CDC42: variants seen among roughly 807,000 people sequenced by gnomAD.
CDC42 encodes the protein cell division control protein 42 homolog.
CDC42 carries 1 observed loss-of-function variant against 20.8 expected under a neutral mutation model. That is an observed-to-expected ratio of 0.05 (90% CI 0.02 to 0.23). CDC42 has a LOEUF of 0.23. Ranked by LOEUF, CDC42 falls within the 10% of genes least tolerant of loss-of-function variation. The pLI is 1.00. For missense variants in CDC42, 49 were observed against 227.9 expected, an observed-to-expected ratio of 0.21 and a Z score of 5.05; for synonymous variants, 72 against 84.8, an observed-to-expected ratio of 0.85 and a Z score of 0.83.
chr1:22,056,332 A>G (rs1003451157), intron 1 of CDC42, among the ~76,000 whole-genome samples: 2 of 152,042 alleles, frequency 1.3e-5, no homozygotes, highest in South Asian at 2.1e-4. Flanking sequence ...GACTTTTTCC[A>G]TCTGTTTAGG....
rs1645784644 is a variant in CDC42 at position 22,100,761 on chromosome 1, A to C, written c.*9244A>C. On this transcript the variant is annotated 3_prime_UTR_variant, in exon 6 of 6. Transcript: ENST00000656825. The stretch of plus-strand genomic sequence containing the variant: ...CATACTCATTGCCAGGAGTAGAGTA[A>C]GGCTTTTAATTTCATCTCTAACCAA... The C allele has an allele frequency of 6.6e-6, 1 of 152,202 alleles. No homozygotes were observed. 9.4% of individuals were successfully genotyped at this position (152,202 alleles called of 1,614,324 possible). A position where few individuals can be genotyped will look rare whatever the true frequency, so the allele number is the denominator to read the frequency against.
chr1:22,086,305 ATAT>A, intron 3 of CDC42, 131 bp from the exon 4 acceptor site: 1 of 590,030 alleles, frequency 1.7e-6, no homozygotes, highest in Non-Finnish European at 3.1e-6. Flanking sequence ...TATTGCCCAC[ATAT>A]TATATTACAA....
At chr1:22,055,592 T>C (rs535155924) in intron 1 of CDC42, among the ~76,000 whole-genome samples, 2 of 151,572 alleles carry the variant, frequency 1.3e-5, no homozygotes, top group Non-Finnish European at 2.9e-5. Context: ...CAGGCTCAAC[T>C]GATCCTTCCA....
At chr1:22,082,428 T>C (rs1297512073) in intron 3 of CDC42, among the ~76,000 whole-genome samples, 1 of 152,232 alleles carries the variant, frequency 6.6e-6, no homozygotes, top group Non-Finnish European at 1.5e-5. Context: ...TAAGAACAAA[T>C]TACTTTCTTC....
intron 1 of CDC42, among the ~76,000 whole-genome samples, chr1:22,065,035 G>C (rs1418524310): frequency 6.6e-6 from 1 of 152,194 alleles, no homozygotes; most frequent in Non-Finnish European, 1.5e-5. Context: ...TCATAGTTGA[G>C]TGTTAAGTGC....
chr1:22,081,766 A>G lies in CDC42; in HGVS notation c.150A>G (p.Pro50=), dbSNP rs1406702804. 3.7e-6 allele frequency: 6 copies of G among 1,612,494 alleles called. No homozygotes were observed. The highest frequency in any genetic ancestry group is 5.1e-6 in the Non-Finnish European group (6 of 1,178,766). Residue 50 remains proline, a synonymous_variant, in exon 3 of 6, where the codon CCA becomes CCG. Transcript: ENST00000656825. The part of the protein sequence containing the change: ...YAVTVMIGGE[P]YTLGLFDTAG... ...TCACAGTTATGATTGGTGGAGAACC[A>G]TATACTCTTGGACTTTTTGATACTG...
At chr1:22,089,596 T>C (rs894468900) in intron 5 of CDC42, among the ~76,000 whole-genome samples, 7 of 152,238 alleles carry the variant, frequency 4.6e-5, no homozygotes, top group Non-Finnish European at 1.0e-4. Context: ...TAGAAACACA[T>C]AGCATGCCTG....
intron 1 of CDC42, chr1:22,064,322 C>T (rs1645397891): frequency 1.1e-4 from 2 of 18,754 alleles, no homozygotes; most frequent in Non-Finnish European, 2.0e-4. Context: ...GATAGAGTCT[C>T]GCTCTGTCAC....
intron 1 of CDC42, among the ~76,000 whole-genome samples, chr1:22,060,819 AG>A (rs1247262042): frequency 3.3e-5 from 5 of 152,324 alleles, no homozygotes; most frequent in Admixed American, 3.3e-4. Context: ...TTTTTATTAT[AG>A]GGTTTAAGAT....
intron 1 of CDC42, among the ~76,000 whole-genome samples, chr1:22,070,135 A>G (rs955590114): frequency 3.9e-5 from 6 of 152,174 alleles, no homozygotes; most frequent in Non-Finnish European, 8.8e-5. Context: ...TTGAACATGT[A>G]AAAAGTAAAG....
In CDC42 at chr1:22,093,606, A is replaced by G. The variant is rs1417687337; in HGVS notation, c.*2089A>G. 6.6e-6 allele frequency among the ~76,000 whole-genome samples: 1 copy of G among 152,200 alleles called. No homozygotes were observed. The highest frequency in any genetic ancestry group is 2.4e-5 in the African/African-American group (1 of 41,438). ...TTTTGATAGTTCTCTGCATGGAGTC[A>G]TGTTTGGCATGATTTGCATACTGTG... is the stretch of plus-strand genomic sequence containing the variant. On this transcript the variant is annotated 3_prime_UTR_variant, in exon 6 of 6. Transcript: ENST00000656825.
intron 1 of CDC42, among the ~76,000 whole-genome samples, chr1:22,062,783 T>C (rs1464411987): frequency 6.8e-6 from 1 of 147,980 alleles, no homozygotes; most frequent in Non-Finnish European, 1.5e-5. Flanking sequence ...TCCGAACTTA[T>C]CCATTTGTCT....
chr1:22,078,941 C>A, intron 2 of CDC42: 1 of 900,288 alleles, frequency 1.1e-6, no homozygotes, highest in Non-Finnish European at 1.4e-6. Flanking sequence ...ACTTGGAGGT[C>A]TCCTGGGATA....
At chr1:22,059,959 T>A (rs1179239919) in intron 1 of CDC42, among the ~76,000 whole-genome samples, 1 of 152,220 alleles carries the variant, frequency 6.6e-6, no homozygotes, top group Non-Finnish European at 1.5e-5. Flanking sequence ...GGGGGATCAG[T>A]GTCTCAGGAA....
chr1:22,082,126 T>C (rs765241479), intron 3 of CDC42, among the ~76,000 whole-genome samples: 4 of 152,170 alleles, frequency 2.6e-5, no homozygotes, highest in Non-Finnish European at 5.9e-5. Context: ...GGGGAGGGAC[T>C]AAGGGAATGA....
At chr1:22,090,266 T>TG in intron 5 of CDC42, 3 of 1,200,272 alleles carry the variant, frequency 2.5e-6, no homozygotes, top group Non-Finnish European at 3.1e-6. Context: ...AGTTGCCTGA[T>TG]GCTCAGAGCT....
At chr1:22,058,262 T>C (rs1645325364) in intron 1 of CDC42, among the ~76,000 whole-genome samples, 1 of 152,220 alleles carries the variant, frequency 6.6e-6, no homozygotes. Context: ...GCTAGAGTGA[T>C]GTCTCAAATT....
chr1:22,077,155 T>C (rs559776790), intron 1 of CDC42, among the ~76,000 whole-genome samples: 1 of 151,856 alleles, frequency 6.6e-6, no homozygotes, highest in African/African-American at 2.4e-5. Flanking sequence ...AAACCCTGTC[T>C]AAAAAAAAGA....
At chr1:22,054,475 C>T (rs754766771) in intron 1 of CDC42, among the ~76,000 whole-genome samples, 5 of 152,088 alleles carry the variant, frequency 3.3e-5, no homozygotes, top group African/African-American at 4.8e-5. Context: ...TTTTTGTTCC[C>T]TAGGGTGTTT....
Sources: allele counts gnomAD v4.1 joint callset (sites outside exome capture counted in the v4.1 genomes callset), GRCh38; gene constraint gnomAD v4.1.1; transcripts MANE v1.5; gene names NCBI Gene and HGNC (gene_info 2026-07-23, HGNC 2026-07-21).